Variants in CORIN observed in about 807,000 individuals in gnomAD.
CORIN encodes corin, serine peptidase, also known as atrial natriuretic peptide-converting enzyme.
In CORIN, 117 loss-of-function variants were observed where a neutral mutation model predicts 125.3. That is an observed-to-expected ratio of 0.93 (90% CI 0.80 to 1.09). The LOEUF is 1.09. Among genes scored for constraint, CORIN ranks in the 50% least tolerant of loss-of-function variants. The probability of loss-of-function intolerance (pLI) is 0.00; values close to 1 mark genes in which losing one functional copy is unlikely to be tolerated. For synonymous variants in CORIN, 450 were observed against 466.4 expected (o/e 0.96, Z 0.45); for missense variants, 1,253 against 1,306.7 (o/e 0.96, Z 0.63).
intron 10 of CORIN, among the ~76,000 whole-genome samples, chr4:47,672,469 A>C (rs960837249): frequency 6.6e-6 from 1 of 152,164 alleles, no homozygotes; most frequent in African/African-American, 2.4e-5. Context: ...AACAACCCCC[A>C]AAACTTTAAT....
intron 5 of CORIN, 34 bp downstream of exon 5, chr4:47,744,368 T>C: frequency 1.3e-6 from 2 of 1,588,482 alleles, no homozygotes; most frequent in Admixed American, 3.4e-5. Flanking sequence ...TCAAATAAAA[T>C]CTTCTAAAAA....
chr4:47,715,590 C>A (rs1401860001), intron 5 of CORIN, among the ~76,000 whole-genome samples: 2 of 151,930 alleles, frequency 1.3e-5, no homozygotes, highest in Admixed American at 1.3e-4. Context: ...AAGAGCAAGA[C>A]TCTGTCTCCA....
intron 6 of CORIN, among the ~76,000 whole-genome samples, chr4:47,686,998 T>G (rs1725549680): frequency 6.6e-6 from 1 of 152,222 alleles, no homozygotes; most frequent in Admixed American, 6.5e-5. Context: ...TTGGAGATAT[T>G]TTAAAAATTG....
chr4:47,698,270 T>C (rs1193937184), intron 5 of CORIN, among the ~76,000 whole-genome samples: 1 of 151,720 alleles, frequency 6.6e-6, no homozygotes, highest in African/African-American at 2.4e-5. Context: ...ATAACATTAA[T>C]ATTATTAATA....
intron 19 of CORIN, among the ~76,000 whole-genome samples, chr4:47,619,830 T>C (rs540291220): frequency 3.0e-4 from 45 of 152,338 alleles, no homozygotes; most frequent in African/African-American, 9.6e-4. Context: ...GCTTGATGAA[T>C]GTACTCTTGC....
chr4:47,718,609 T>C (rs1243131786), intron 5 of CORIN, among the ~76,000 whole-genome samples: 1 of 152,214 alleles, frequency 6.6e-6, no homozygotes, highest in East Asian at 1.9e-4. Flanking sequence ...AACTAGAAAA[T>C]TTAATTTTTA....
At chr4:47,766,058 C>T (rs563497991) in intron 3 of CORIN, among the ~76,000 whole-genome samples, 82 of 152,174 alleles carry the variant, frequency 5.4e-4, no homozygotes, top group African/African-American at 1.8e-3. Flanking sequence ...GAAAAGTAGC[C>T]GGTTCAGAGG....
In CORIN at chr4:47,642,062, A is replaced by G. The variant is rs1207449045; in HGVS notation, c.2069-13T>C. 1 of 1,610,514 alleles carries G rather than the reference A, an allele frequency of 6.2e-7. No homozygotes were observed. The highest frequency in any genetic ancestry group is 1.1e-5 in the South Asian group (1 of 90,786). On this transcript the variant is annotated splice_polypyrimidine_tract_variant and intron_variant, in intron 15 of 21. Coordinates refer to ENST00000273857, the MANE Select transcript of CORIN (RefSeq NM_006587.4). ...ATAGAGAGGGTCACTAGGGAAAGAA[A>G]AGACAAGGGAAACCCTAATTAAAAA...
intron 2 of CORIN, among the ~76,000 whole-genome samples, chr4:47,800,576 G>C (rs1731496029): frequency 6.6e-6 from 1 of 152,126 alleles, no homozygotes. Flanking sequence ...CTACTGAAGG[G>C]CGCTGGAGAG....
intron 1 of CORIN, among the ~76,000 whole-genome samples, chr4:47,814,560 G>T (rs1265323393): frequency 1.3e-5 from 2 of 152,164 alleles, no homozygotes; most frequent in African/African-American, 2.4e-5. Flanking sequence ...TTGAGTAACA[G>T]ATTAATAATG....
intron 5 of CORIN, among the ~76,000 whole-genome samples, chr4:47,695,539 T>C (rs61761808): frequency 2.0e-5 from 3 of 152,214 alleles, no homozygotes; most frequent in Non-Finnish European, 4.4e-5. Flanking sequence ...CTTGCATTGT[T>C]TTGATTATTG....
intron 20 of CORIN, among the ~76,000 whole-genome samples, 195 bp downstream of exon 20, chr4:47,603,202 T>C (rs1721514865): frequency 6.6e-6 from 1 of 152,178 alleles, no homozygotes; most frequent in Non-Finnish European, 1.5e-5. Context: ...TTCCCCCTTT[T>C]GCTCAGTACT....
chr4:47,782,939 A>G (rs533061842), intron 3 of CORIN, among the ~76,000 whole-genome samples: 6 of 152,076 alleles, frequency 3.9e-5, no homozygotes, highest in African/African-American at 1.2e-4. Flanking sequence ...TTTTTTTGCA[A>G]TGATGAGAAT....
At chr4:47,770,949 G>A (rs572440900) in intron 3 of CORIN, among the ~76,000 whole-genome samples, 9 of 152,146 alleles carry the variant, frequency 5.9e-5, no homozygotes, top group Middle Eastern at 6.8e-3. Flanking sequence ...AAGATCAAGC[G>A]ACCTATTGTA....
chr4:47,630,860 G>A (rs948731002), intron 16 of CORIN, among the ~76,000 whole-genome samples: 49 of 152,106 alleles, frequency 3.2e-4, no homozygotes, highest in Non-Finnish European at 8.8e-5. Flanking sequence ...AGTCTCAGAT[G>A]GGACCCAAAA....
intron 16 of CORIN, among the ~76,000 whole-genome samples, chr4:47,636,116 G>A (rs1723016083): frequency 1.3e-5 from 2 of 152,152 alleles, no homozygotes; most frequent in Non-Finnish European, 2.9e-5. Flanking sequence ...GTTTTGCCCA[G>A]ATACAGAAAT....
intron 2 of CORIN, among the ~76,000 whole-genome samples, chr4:47,800,536 A>G (rs979929028): frequency 8.5e-5 from 13 of 152,152 alleles, no homozygotes; most frequent in African/African-American, 3.1e-4. Flanking sequence ...GATAATAACT[A>G]TAAACTCTGG....
chr4:47,751,151 T>C (rs1341115137), intron 4 of CORIN, among the ~76,000 whole-genome samples: 1 of 152,216 alleles, frequency 6.6e-6, no homozygotes, highest in Admixed American at 6.5e-5. Flanking sequence ...AAAGCTGTTT[T>C]CATTTCCACT....
chr4:47,670,941 TA>T (rs1005204916), intron 10 of CORIN, among the ~76,000 whole-genome samples: 78 of 152,288 alleles, frequency 5.1e-4, no homozygotes, highest in African/African-American at 1.9e-3. Context: ...CTATGTATCA[TA>T]AGAAATGTGG....
Sources: allele counts gnomAD v4.1 joint callset (sites outside exome capture counted in the v4.1 genomes callset), GRCh38; gene constraint gnomAD v4.1.1; transcripts MANE v1.5; gene names NCBI Gene and HGNC (gene_info 2026-07-23, HGNC 2026-07-21).